SH3YL1: variants seen among roughly 807,000 people sequenced by gnomAD.
SH3YL1 encodes SH3 and SYLF domain containing 1, also known as SH3 domain-containing YSC84-like protein 1.
SH3YL1 carries 41 observed loss-of-function variants against 45.8 expected under a neutral mutation model. The ratio of observed to expected loss-of-function variants is 0.89; its 90% CI spans 0.70 to 1.16. The LOEUF is 1.16. SH3YL1 is among the 50% of genes most tolerant of loss of function. The probability of loss-of-function intolerance (pLI) is 0.00; values close to 1 mark genes in which losing one functional copy is unlikely to be tolerated. For missense variants in SH3YL1, 389 were observed against 409.6 expected, an observed-to-expected ratio of 0.95 and a Z score of 0.43; for synonymous variants, 152 against 151.4, an observed-to-expected ratio of 1.00 and a Z score of -0.03.
chr2:232,117 C>A (rs1315328195), intron 6 of SH3YL1, among the ~76,000 whole-genome samples: 2 of 151,998 alleles, frequency 1.3e-5, no homozygotes, highest in East Asian at 3.9e-4. Context: ...TCTTTCTGGG[C>A]CTTTACACAT....
chr2:243,917 T>C (rs1042163334), intron 4 of SH3YL1, among the ~76,000 whole-genome samples: 1 of 152,174 alleles, frequency 6.6e-6, no homozygotes, highest in African/African-American at 2.4e-5. Context: ...TGAGGTGGGC[T>C]TTACCACCCA....
intron 1 of SH3YL1, among the ~76,000 whole-genome samples, chr2:257,267 T>C (rs1285415474): frequency 1.3e-5 from 2 of 152,374 alleles, no homozygotes; most frequent in East Asian, 3.8e-4. Flanking sequence ...TTGTTTTTGT[T>C]GTAATTGCTT....
At chr2:264,627 A>T, upstream of SH3YL1, 1 of 53,390 alleles carries the variant, frequency 1.9e-5, no homozygotes. Flanking sequence ...CACCACACAC[A>T]CACACCCCCT....
In SH3YL1 at chr2:230,052, A is replaced by G. The variant is rs550631673; in HGVS notation, c.703-8T>C. On this transcript the variant is annotated splice_polypyrimidine_tract_variant and splice_region_variant and intron_variant, in intron 7 of 9. Coordinates refer to ENST00000356150, the MANE Select transcript of SH3YL1 (RefSeq NM_015677.4). ...TGGAGGTAATTCTTTAGCCTGGGAG[A>G]AACAAAAAGATAAATACACATAATT... The G allele has an allele frequency of 8.8e-6, 14 of 1,589,736 alleles. No homozygotes were observed. Among genetic ancestry groups the G allele is most frequent in the African/African-American group, 1.4e-5 (1 of 73,882 alleles).
At chr2:242,670 A>C in intron 4 of SH3YL1, 1 of 1,235,308 alleles carries the variant, frequency 8.1e-7, no homozygotes, top group East Asian at 3.0e-5. Flanking sequence ...AATCTATTAA[A>C]TGTGAATGAA....
At chr2:219,664 T>TGGCAGATGCTGGAGAAA (rs1444112841) in intron 9 of SH3YL1, among the ~76,000 whole-genome samples, 1 of 152,214 alleles carries the variant, frequency 6.6e-6, no homozygotes, top group Non-Finnish European at 1.5e-5. Context: ...GTTTCATGGA[T>TGGCAGATGCTGGAGAAA]GGCAGATGCT....
chr2:219,830 T>C (rs1290616508), intron 9 of SH3YL1, among the ~76,000 whole-genome samples: 5 of 152,110 alleles, frequency 3.3e-5, no homozygotes, highest in African/African-American at 1.2e-4. Context: ...GCTGTTTACA[T>C]TTCTGTGCTT....
intron 1 of SH3YL1, chr2:260,140 T>C (rs1013911689): frequency 8.5e-5 from 13 of 152,336 alleles, no homozygotes; most frequent in African/African-American, 2.6e-4. Flanking sequence ...TTGCGAAACA[T>C]GTAGACTGAT....
intron 4 of SH3YL1, among the ~76,000 whole-genome samples, chr2:235,898 T>C (rs558673308): frequency 3.7e-4 from 4 of 10,926 alleles, no homozygotes; most frequent in Non-Finnish European, 5.4e-4. Flanking sequence ...GCAGCATGGG[T>C]CAGGGGAGGC....
At chr2:227,239 A>T (rs1002880093) in intron 8 of SH3YL1, among the ~76,000 whole-genome samples, 1 of 152,124 alleles carries the variant, frequency 6.6e-6, no homozygotes, top group Non-Finnish European at 1.5e-5. Flanking sequence ...AGTAGTAAAA[A>T]CTTTTGAAAA....
chr2:222,039 C>T (rs774572476), intron 9 of SH3YL1, among the ~76,000 whole-genome samples: 2 of 152,134 alleles, frequency 1.3e-5, no homozygotes, highest in Non-Finnish European at 2.9e-5. Flanking sequence ...TCCTGGTTAC[C>T]GGGAAGCAAA....
intron 9 of SH3YL1, among the ~76,000 whole-genome samples, chr2:219,751 C>T (rs1032800557): frequency 2.0e-5 from 3 of 152,150 alleles, no homozygotes; most frequent in African/African-American, 4.8e-5. Flanking sequence ...ACTCACTGGG[C>T]TTGAAGATTG....
At chr2:238,118 A>G (rs1462338876) in intron 4 of SH3YL1, among the ~76,000 whole-genome samples, 2 of 152,120 alleles carry the variant, frequency 1.3e-5, no homozygotes, top group Non-Finnish European at 2.9e-5. Context: ...TTCAAGCCCC[A>G]CATCTGGACA....
intron 1 of SH3YL1, chr2:255,934 C>T (rs1018315115): frequency 1.3e-5 from 2 of 152,150 alleles, no homozygotes; most frequent in African/African-American, 4.8e-5. Context: ...TAAAATACTG[C>T]CTCTCAGTGT....
chr2:237,839 AT>A (rs1157753172), intron 4 of SH3YL1, among the ~76,000 whole-genome samples: 4 of 152,252 alleles, frequency 2.6e-5, no homozygotes, highest in African/African-American at 9.6e-5. Context: ...AAATTAAAAA[AT>A]AAAACTGAAT....
At chr2:220,123 G>A (rs1002016555) in intron 9 of SH3YL1, among the ~76,000 whole-genome samples, 6 of 150,358 alleles carry the variant, frequency 4.0e-5, no homozygotes, top group African/African-American at 9.8e-5. Flanking sequence ...GCAACTAGAT[G>A]TACAGACATA....
At chr2:242,495 A>G (rs149337424) in intron 4 of SH3YL1, among the ~76,000 whole-genome samples, 25 of 152,228 alleles carry the variant, frequency 1.6e-4, no homozygotes, top group Non-Finnish European at 3.2e-4. Flanking sequence ...AACAACCATT[A>G]AGAAAATGAC....
chr2:241,307 G>C (rs1459208184), intron 4 of SH3YL1: 1 of 152,054 alleles, frequency 6.6e-6, no homozygotes. Flanking sequence ...CGGTAGATCT[G>C]AGCACGCAAA....
chr2:220,183 T>C (rs1368569146), intron 9 of SH3YL1, among the ~76,000 whole-genome samples: 1 of 106,952 alleles, frequency 9.3e-6, no homozygotes, highest in South Asian at 3.6e-4. Flanking sequence ...TTTGAACCCA[T>C]AATACAATAA....
Sources: gnomAD v4.1 joint callset for allele counts (sites outside exome capture counted in the v4.1 genomes callset) on GRCh38, gnomAD v4.1.1 for gene constraint, MANE v1.5 for transcripts, NCBI Gene and HGNC (gene_info 2026-07-23, HGNC 2026-07-21) for gene names.